UVRAG: variants seen among roughly 807,000 people sequenced by gnomAD.
The protein encoded by UVRAG is UV radiation resistance-associated gene protein.
Under a neutral mutation model 78.0 loss-of-function variants are expected in UVRAG, and 19 were observed. The observed-to-expected ratio is 0.24, with a 90% CI of 0.17 to 0.36. UVRAG has a LOEUF of 0.36. UVRAG is among the 10% of genes least tolerant of loss of function. The pLI, the probability that UVRAG is intolerant of heterozygous loss-of-function variation, is 1.00. For synonymous variants in UVRAG, 323 were observed against 324.6 expected (o/e 1.00, Z 0.05); for missense variants, 740 against 853.8 (o/e 0.87, Z 1.66).
chr11:75,874,985 C>T (rs1176646715), intron 3 of UVRAG, among the ~76,000 whole-genome samples: 1 of 152,202 alleles, frequency 6.6e-6, no homozygotes, highest in African/African-American at 2.4e-5. Flanking sequence ...CCAAGCCCAT[C>T]CACGTTTCTA....
intron 11 of UVRAG, among the ~76,000 whole-genome samples, chr11:76,013,260 C>T (rs1950088030): frequency 6.6e-6 from 1 of 152,070 alleles, no homozygotes; most frequent in African/African-American, 2.4e-5. Flanking sequence ...AAAGCTACAG[C>T]CTTGAGTGGT....
At chr11:75,989,820 C>T (rs953514697) in intron 8 of UVRAG, among the ~76,000 whole-genome samples, 3 of 152,246 alleles carry the variant, frequency 2.0e-5, no homozygotes, top group Non-Finnish European at 2.9e-5. Context: ...AGGGACTTTG[C>T]ACTTTTATGG....
At chr11:75,851,323 G>C (rs905260012) in intron 1 of UVRAG, among the ~76,000 whole-genome samples, 1 of 152,232 alleles carries the variant, frequency 6.6e-6, no homozygotes, top group African/African-American at 2.4e-5. Flanking sequence ...CTGGTGAAAT[G>C]AGAATCGAAT....
intron 7 of UVRAG, among the ~76,000 whole-genome samples, chr11:75,970,148 T>C (rs578142836): frequency 6.6e-6 from 1 of 152,342 alleles, no homozygotes; most frequent in Non-Finnish European, 1.5e-5. Context: ...TGCACACATA[T>C]GCAGGCACAG....
intron 5 of UVRAG, among the ~76,000 whole-genome samples, chr11:75,892,884 A>G (rs534430018): frequency 6.6e-6 from 1 of 152,298 alleles, no homozygotes; most frequent in East Asian, 1.9e-4. Flanking sequence ...GAGAAATGTA[A>G]AAGAAATATT....
chr11:75,996,963 C>T (rs1949720234), intron 8 of UVRAG, among the ~76,000 whole-genome samples: 1 of 152,052 alleles, frequency 6.6e-6, no homozygotes, highest in Admixed American at 6.6e-5. Flanking sequence ...ATAAGGAAGC[C>T]TATCAGTTCT....
chr11:75,920,008 GTTTTTTTTTTTTTTTTTTTTTT>G lies in UVRAG; in HGVS notation c.593+7983_593+8004del, dbSNP rs140217190. Reference sequence around the variant, plus strand: ...CAAAATTTAAAATAAAATAATTTTGGTTTTTTTTTTTTTTTTTTTTTTTTTTTTTTTTTTTGGGACGAAGTCT... The same window carrying G: ...CAAAATTTAAAATAAAATAATTTTGGTTTTTTTTTTTTTGGGACGAAGTCT... On this transcript the variant is annotated intron_variant, in intron 6 of 14. Transcript: ENST00000356136. Among the ~76,000 whole-genome samples the G allele has an allele frequency of 1.1e-4, 6 of 55,492 alleles. No individual in the cohort carries two copies. The South Asian group carries it at 2.7e-3, about 25-fold the overall frequency. The allele number at this position is 55,492 out of a possible 152,430, so 36.4% of individuals were successfully genotyped here. A position where few individuals can be genotyped will look rare whatever the true frequency, so the allele number is the denominator to read the frequency against.
Position 76,008,845 on chromosome 11 carries a change from G to T in UVRAG, c.1038G>T (p.Leu346Phe), listed in dbSNP as rs773291446. 2 of 1,491,960 alleles carry T rather than the reference G, an allele frequency of 1.3e-6. No homozygotes were observed. Among genetic ancestry groups the T allele is most frequent in the Non-Finnish European group, 1.8e-6 (2 of 1,105,874 alleles). 92.4% of individuals were successfully genotyped at this position (1,491,960 alleles called of 1,614,324 possible). ...ATTACTTTGTATGCGGTGTCAAGTTGCCTAATTCTGAGGACTTCCAAGGTA... is the reference window on the plus strand; with the variant it reads ...ATTACTTTGTATGCGGTGTCAAGTTTCCTAATTCTGAGGACTTCCAAGGTA... ...HKDYFVCGVK[L>F]PNSEDFQAKD... The change falls in exon 11 of 15, where the codon TTG becomes TTT. Residue 346 changes from leucine (L) to phenylalanine (F), a missense_variant. Leu to Phe is a conservative substitution (Grantham distance 22). Transcript: ENST00000356136.
chr11:75,864,317 A>G (rs373801350), intron 3 of UVRAG, among the ~76,000 whole-genome samples: 35 of 152,318 alleles, frequency 2.3e-4, no homozygotes, highest in African/African-American at 7.5e-4. Flanking sequence ...CAGCCTCCCA[A>G]AGTGCTGGGA....
chr11:75,960,342 AT>A (rs1483775994), intron 6 of UVRAG, among the ~76,000 whole-genome samples: 2 of 152,132 alleles, frequency 1.3e-5, no homozygotes. Context: ...ACCTTGCTAA[AT>A]TAACTTATTA....
In UVRAG at chr11:76,090,007, C is replaced by T. The variant is rs560876497; in HGVS notation, c.1305+24219C>T. 5.3e-5 allele frequency among the ~76,000 whole-genome samples: 8 copies of T among 152,298 alleles called. No homozygotes were observed. In the South Asian group the frequency reaches 1.7e-3, roughly 32 times the overall value. On this transcript the variant is annotated intron_variant, in intron 13 of 14. Transcript: ENST00000356136. ...ACCTGCCTTATTCTACCTCCGCCCTCGCTAGCCACCATTCGGTGTTCTTTC... is the reference window on the plus strand; with the variant it reads ...ACCTGCCTTATTCTACCTCCGCCCTTGCTAGCCACCATTCGGTGTTCTTTC...
intron 5 of UVRAG, among the ~76,000 whole-genome samples, chr11:75,901,445 ATG>A (rs1947497946): frequency 6.6e-6 from 1 of 152,068 alleles, no homozygotes. Flanking sequence ...GTATCTAAAC[ATG>A]TGTCAAATTT....
chr11:76,103,826 G>T (rs961777812), intron 13 of UVRAG, among the ~76,000 whole-genome samples: 2 of 152,008 alleles, frequency 1.3e-5, no homozygotes, highest in African/African-American at 4.8e-5. Flanking sequence ...TGATTAAGAG[G>T]CTGTAGGGAT....
At chr11:75,903,138 T>G (rs1262645027) in intron 5 of UVRAG, among the ~76,000 whole-genome samples, 1 of 152,140 alleles carries the variant, frequency 6.6e-6, no homozygotes, top group Non-Finnish European at 1.5e-5. Context: ...TTGTTTTTTA[T>G]TACCATTGCC....
chr11:76,144,228 ATTTAT>A (rs1952769839), exon 15 of UVRAG, among the ~76,000 whole-genome samples: 1 of 152,208 alleles, frequency 6.6e-6, no homozygotes, highest in Non-Finnish European at 1.5e-5. Context: ...ATTGATTAGT[ATTTAT>A]TTTGAGAGTT....
chr11:75,851,789 A>C (rs182517941), intron 1 of UVRAG, 94 bp from the exon 2 acceptor site: 11 of 916,788 alleles, frequency 1.2e-5, no homozygotes, highest in Non-Finnish European at 1.9e-5. Flanking sequence ...TGACTGAGAC[A>C]ACTTATTACA....
At chr11:76,091,280 C>G (rs1239928323) in intron 13 of UVRAG, among the ~76,000 whole-genome samples, 1 of 151,942 alleles carries the variant, frequency 6.6e-6, no homozygotes, top group Non-Finnish European at 1.5e-5. Flanking sequence ...TTTTGCTTTG[C>G]CTTGCTTTTT....
At chr11:75,864,956 C>G (rs1378198720) in intron 3 of UVRAG, among the ~76,000 whole-genome samples, 2 of 152,218 alleles carry the variant, frequency 1.3e-5, no homozygotes, top group East Asian at 3.9e-4. Flanking sequence ...TTGGTTTCAT[C>G]ACTCTGACGT....
intron 6 of UVRAG, among the ~76,000 whole-genome samples, chr11:75,950,543 C>T (rs923926907): frequency 4.6e-5 from 7 of 152,272 alleles, no homozygotes; most frequent in East Asian, 1.9e-4. Flanking sequence ...CATGAGCCAC[C>T]GCACCCAGCC....
Sources: gnomAD v4.1 joint callset for allele counts (sites outside exome capture counted in the v4.1 genomes callset) on GRCh38, gnomAD v4.1.1 for gene constraint, MANE v1.5 for transcripts, NCBI Gene and HGNC (gene_info 2026-07-23, HGNC 2026-07-21) for gene names.